The following PDE11A variants were observed in gnomAD, a reference collection of about 807,000 sequenced individuals.
PDE11A encodes the protein dual 3',5'-cyclic-AMP and -GMP phosphodiesterase 11A.
Under a neutral mutation model 100.5 loss-of-function variants are expected in PDE11A, and 100 were observed. The ratio of observed to expected loss-of-function variants is 1.00; its 90% CI spans 0.85 to 1.18. The LOEUF (loss-of-function observed/expected upper bound fraction) is 1.18. Ranked by LOEUF, PDE11A falls within the 50% of genes most tolerant of loss-of-function variation. The probability of loss-of-function intolerance (pLI) is 0.00; values close to 1 mark genes in which losing one functional copy is unlikely to be tolerated. For missense variants in PDE11A, 1,141 were observed against 1,152.6 expected, an observed-to-expected ratio of 0.99 and a Z score of 0.15; for synonymous variants, 381 against 420.8, an observed-to-expected ratio of 0.91 and a Z score of 1.16.
intron 1 of PDE11A, among the ~76,000 whole-genome samples, chr2:178,036,682 C>T (rs1242982961): frequency 6.6e-6 from 1 of 151,974 alleles, no homozygotes; most frequent in Non-Finnish European, 1.5e-5. Context: ...GATACATAGA[C>T]CAACGGAACG....
intron 5 of PDE11A, among the ~76,000 whole-genome samples, chr2:177,865,468 G>C (rs2084012868): frequency 6.6e-6 from 1 of 152,148 alleles, no homozygotes; most frequent in Non-Finnish European, 1.5e-5. Context: ...CCAAAAGTTA[G>C]ACACAGAGTT....
rs79527666 is a variant in PDE11A, at chr2:177,746,744, G to A, written c.1789-18572C>T. Among the ~76,000 whole-genome samples, 577 of 152,354 alleles carry A rather than the reference G, an allele frequency of 3.8e-3. 4 individuals are homozygous for A. The highest frequency in any genetic ancestry group is 0.013 in the African/African-American group (538 of 41,568). On this transcript the variant is annotated intron_variant, in intron 10 of 19. Coordinates refer to ENST00000286063, the MANE Select transcript of PDE11A (RefSeq NM_016953.4). Reference sequence around the variant, plus strand: ...GTGTGAGAGAAAGATTTGTGGCTGGGTAAGGCAGAGCTTCTAACCATACAA... The same window carrying A: ...GTGTGAGAGAAAGATTTGTGGCTGGATAAGGCAGAGCTTCTAACCATACAA...
intron 10 of PDE11A, among the ~76,000 whole-genome samples, chr2:177,744,752 T>C (rs376967778): frequency 1.3e-5 from 2 of 152,358 alleles, no homozygotes; most frequent in East Asian, 3.9e-4. Context: ...GACTTCAAGC[T>C]TGGCCGTGAC....
chr2:177,957,075 A>G (rs1055243256), intron 2 of PDE11A, among the ~76,000 whole-genome samples: 42 of 152,120 alleles, frequency 2.8e-4, no homozygotes, highest in African/African-American at 1.0e-3. Context: ...AAAAAAAGAA[A>G]AGAGCAAAAA....
At chr2:178,022,414 T>A (rs2086423859) in intron 1 of PDE11A, among the ~76,000 whole-genome samples, 1 of 152,134 alleles carries the variant, frequency 6.6e-6, no homozygotes, top group South Asian at 2.1e-4. Context: ...TGCCTGTGGG[T>A]CATCCACATG....
At chr2:177,789,848 C>T (rs2082601433) in intron 9 of PDE11A, among the ~76,000 whole-genome samples, 1 of 152,112 alleles carries the variant, frequency 6.6e-6, no homozygotes, top group Non-Finnish European at 1.5e-5. Context: ...TGAAAGACCT[C>T]TTCAAGGAGA....
At chr2:177,899,232 C>G (rs2084661637) in intron 3 of PDE11A, among the ~76,000 whole-genome samples, 1 of 151,966 alleles carries the variant, frequency 6.6e-6, no homozygotes, top group South Asian at 2.1e-4. Context: ...ACGGTGAAAC[C>G]CCGACTCTAC....
intron 2 of PDE11A, among the ~76,000 whole-genome samples, chr2:177,944,644 T>TA (rs2085382027): frequency 6.6e-6 from 1 of 152,214 alleles, no homozygotes; most frequent in South Asian, 2.1e-4. Context: ...ATCTCTACTT[T>TA]AAAATCTTAA....
chr2:177,981,506 C>T (rs2695746), intron 2 of PDE11A, among the ~76,000 whole-genome samples: 78,474 of 149,950 alleles, frequency 0.52, 24,837 homozygotes, highest in African/African-American at 0.81. Flanking sequence ...TTCACAGAGT[C>T]TTCCCTTCTG....
At chr2:177,644,530 G>C (rs1157548230) in intron 19 of PDE11A, among the ~76,000 whole-genome samples, 1 of 152,166 alleles carries the variant, frequency 6.6e-6, no homozygotes, top group African/African-American at 2.4e-5. Context: ...ACTTGCTTTT[G>C]ATTTTACTGG....
chr2:177,739,902 C>T (rs1428132495), intron 10 of PDE11A, among the ~76,000 whole-genome samples: 1 of 152,172 alleles, frequency 6.6e-6, no homozygotes. Flanking sequence ...AGTAATCTAT[C>T]AAATGAGGCA....
chr2:177,700,526 A>G (rs998649478), intron 14 of PDE11A, among the ~76,000 whole-genome samples: 3 of 152,144 alleles, frequency 2.0e-5, no homozygotes, highest in Non-Finnish European at 4.4e-5. Context: ...TGGAGAGCTA[A>G]AAGTATAAAA....
At chr2:177,878,157 A>C (rs2084271029) in intron 4 of PDE11A, among the ~76,000 whole-genome samples, 1 of 152,228 alleles carries the variant, frequency 6.6e-6, no homozygotes, top group South Asian at 2.1e-4. Context: ...AATACCCTTG[A>C]CAACTATAGA....
intron 9 of PDE11A, among the ~76,000 whole-genome samples, chr2:177,777,665 T>A (rs996387315): frequency 5.3e-5 from 8 of 152,192 alleles, no homozygotes; most frequent in Admixed American, 4.6e-4. Context: ...GAATGCATTA[T>A]AATAGTTTTG....
At chr2:177,762,265 C>T (rs556039233) in intron 10 of PDE11A, among the ~76,000 whole-genome samples, 3 of 152,278 alleles carry the variant, frequency 2.0e-5, no homozygotes, top group South Asian at 4.1e-4. Flanking sequence ...TCTGTGCACA[C>T]TGAACGAACA....
intron 13 of PDE11A, chr2:177,702,691 T>C (rs1441449821): frequency 6.6e-6 from 1 of 152,154 alleles, no homozygotes; most frequent in Non-Finnish European, 1.5e-5. Flanking sequence ...CCTGCAATTC[T>C]TGGAAAGACT....
At chr2:177,671,866 T>G (rs1203824959) in intron 17 of PDE11A, among the ~76,000 whole-genome samples, 1 of 152,170 alleles carries the variant, frequency 6.6e-6, no homozygotes, top group Non-Finnish European at 1.5e-5. Context: ...TACTTTGCCC[T>G]GTCACTTTCC....
chr2:177,961,659 C>T (rs2085634881), intron 2 of PDE11A, among the ~76,000 whole-genome samples: 1 of 151,848 alleles, frequency 6.6e-6, no homozygotes, highest in South Asian at 2.1e-4. Flanking sequence ...TTCTTGAAGC[C>T]AATTCCCACA....
At chr2:178,050,850 G>C (rs1267369285) in intron 1 of PDE11A, among the ~76,000 whole-genome samples, 2 of 152,158 alleles carry the variant, frequency 1.3e-5, no homozygotes, top group Non-Finnish European at 2.9e-5. Flanking sequence ...AGAAATATGG[G>C]ACTATGTGAA....
Sources: allele counts gnomAD v4.1 joint callset (sites outside exome capture counted in the v4.1 genomes callset), GRCh38; gene constraint gnomAD v4.1.1; transcripts MANE v1.5; gene names NCBI Gene and HGNC (gene_info 2026-07-23, HGNC 2026-07-21).